The following ITPR1 variants were observed in gnomAD, a reference collection of about 807,000 sequenced individuals.
ITPR1 encodes the protein inositol 1,4,5-trisphosphate-gated calcium channel ITPR1.
A neutral mutation model predicts 318.4 loss-of-function variants in ITPR1; 96 were observed. The ratio of observed to expected loss-of-function variants is 0.30; its 90% CI spans 0.26 to 0.36. ITPR1 has a LOEUF of 0.36. Among genes scored for constraint, ITPR1 ranks in the 10% least tolerant of loss-of-function variants. The pLI is 1.00. For synonymous variants in ITPR1, 1,312 were observed against 1,289.9 expected (o/e 1.02, Z -0.37); for missense variants, 2,440 against 3,460.2 (o/e 0.71, Z 7.40).
intron 44 of ITPR1, among the ~76,000 whole-genome samples, chr3:4,764,985 GATGGGT>G (rs2045718624): frequency 7.3e-6 from 1 of 137,086 alleles, no homozygotes; most frequent in African/African-American, 2.7e-5. Context: ...TGGATGGATG[GATGGGT>G]GAATGGGTGG....
At chr3:4,814,606 G>T in intron 58 of ITPR1, 44 bp downstream of exon 58, 1 of 1,263,154 alleles carries the variant, frequency 7.9e-7, no homozygotes, top group Non-Finnish European at 1.1e-6. Context: ...GGGGCGGGTG[G>T]GGTGGTTGGT....
intron 4 of ITPR1, among the ~76,000 whole-genome samples, chr3:4,563,728 G>A (rs1233687327): frequency 5.9e-5 from 9 of 152,006 alleles, no homozygotes; most frequent in East Asian, 5.8e-4. Context: ...TTTTTCATGC[G>A]GATATTTTTG....
At chr3:4,681,624 A>AGTGT (rs10665371) in intron 26 of ITPR1, among the ~76,000 whole-genome samples, 10,516 of 145,722 alleles carry the variant, frequency 0.072, 498 homozygotes, top group Admixed American at 0.14. Flanking sequence ...AGAGAGAGAA[A>AGTGT]GTGTGTGTGT....
intron 4 of ITPR1, among the ~76,000 whole-genome samples, chr3:4,562,159 G>T (rs970812202): frequency 2.0e-5 from 3 of 152,072 alleles, no homozygotes; most frequent in Admixed American, 6.5e-5. Flanking sequence ...ACAGATTTGC[G>T]TTGGGCTGCA....
chr3:4,538,888 G>A (rs1270045405), intron 4 of ITPR1, among the ~76,000 whole-genome samples: 2 of 152,104 alleles, frequency 1.3e-5, no homozygotes, highest in Admixed American at 6.5e-5. Context: ...GGATGGGTGA[G>A]GGGAGGAAGA....
chr3:4,673,494 C>G, intron 21 of ITPR1, 107 bp downstream of exon 21: 1 of 1,174,346 alleles, frequency 8.5e-7, no homozygotes, highest in Non-Finnish European at 1.1e-6. Flanking sequence ...TTGGTTTTTT[C>G]TTCAAGCTTA....
At chr3:4,586,065 C>T (rs907607804) in intron 4 of ITPR1, among the ~76,000 whole-genome samples, 2 of 152,114 alleles carry the variant, frequency 1.3e-5, no homozygotes, top group African/African-American at 2.4e-5. Context: ...TGATGGTTTC[C>T]AGCTTCATCC....
intron 4 of ITPR1, among the ~76,000 whole-genome samples, chr3:4,552,358 G>A (rs527540963): frequency 7.2e-5 from 11 of 152,308 alleles, no homozygotes; most frequent in African/African-American, 2.2e-4. Context: ...CTGACTGACT[G>A]GCTTTAAGTT....
At position 4,846,720 on chromosome 3, in the gene ITPR1, T is replaced by TAATA. The variant is rs1439669265; in HGVS notation, c.*496_*499dup. ...AATGATGCTGCTGCCAAAATTATAT[T>TAATA]AATAGTGAGTTTCAGGCCCCTGGGC... On this transcript the variant is annotated 3_prime_UTR_variant, in exon 62 of 62. Coordinates refer to ENST00000649015, the MANE Select transcript of ITPR1 (RefSeq NM_001378452.1). The TAATA allele has an allele frequency of 2.0e-5, 3 of 152,680 alleles. No homozygotes were observed. Among genetic ancestry groups the TAATA allele is most frequent in the Admixed American group, 1.3e-4 (2 of 15,280 alleles). The allele number at this position is 152,680 out of a possible 1,614,324, so 9.5% of individuals were successfully genotyped here.
intron 19 of ITPR1, 58 bp from the exon 20 acceptor site, chr3:4,670,671 C>A: frequency 8.1e-7 from 1 of 1,232,590 alleles, no homozygotes. Flanking sequence ...GAAAGTAAAG[C>A]TAGATCTCAA....
At position 4,620,680 on chromosome 3, in the gene ITPR1, G is replaced by GTT. The variant is rs66922925; in HGVS notation, c.164-7064_164-7063dup. Among the ~76,000 whole-genome samples the GTT allele has an allele frequency of 4.9e-3, 630 of 128,116 alleles. 7 individuals carry two copies. Among genetic ancestry groups the GTT allele is most frequent in the African/African-American group, 0.016 (527 of 33,824 alleles). The allele number at this position is 128,116 out of a possible 152,430, so 84.0% of individuals were successfully genotyped here. A position where few individuals can be genotyped will look rare whatever the true frequency, so the allele number is the denominator to read the frequency against. On this transcript the variant is annotated intron_variant, in intron 4 of 61. Transcript: ENST00000649015. The stretch of plus-strand genomic sequence containing the variant: ...TTTTTTCTTCTAATTTTCTTTGTGG[G>GTT]TTTTTTTTTTTTTTTTTTTTGGTGG...
At chr3:4,690,846 A>G (rs1005879353) in intron 31 of ITPR1, among the ~76,000 whole-genome samples, 3 of 152,224 alleles carry the variant, frequency 2.0e-5, no homozygotes, top group African/African-American at 7.2e-5. Flanking sequence ...AAATTGTGAG[A>G]TAAGGCATAA....
intron 60 of ITPR1, among the ~76,000 whole-genome samples, chr3:4,819,984 A>G (rs976430356): frequency 1.3e-5 from 2 of 152,042 alleles, no homozygotes; most frequent in African/African-American, 4.8e-5. Context: ...TAGAAATCGC[A>G]CTCCATAATC....
chr3:4,540,969 T>A (rs1002743161), intron 4 of ITPR1, among the ~76,000 whole-genome samples: 5 of 151,030 alleles, frequency 3.3e-5, no homozygotes, highest in African/African-American at 1.2e-4. Context: ...TGTTTTTTTT[T>A]AATAGAAGTT....
intron 2 of ITPR1, among the ~76,000 whole-genome samples, chr3:4,500,210 G>T (rs533725244): frequency 1.3e-5 from 2 of 152,124 alleles, no homozygotes; most frequent in Admixed American, 6.5e-5. Flanking sequence ...TGTTTGTTTT[G>T]TTTTTTTGAG....
intron 44 of ITPR1, among the ~76,000 whole-genome samples, chr3:4,758,386 C>A (rs1341989477): frequency 1.3e-5 from 2 of 152,208 alleles, no homozygotes; most frequent in Admixed American, 6.5e-5. Context: ...GGGACACATA[C>A]ATCTATGCTC....
At chr3:4,662,847 A>G (rs539439885) in intron 15 of ITPR1, among the ~76,000 whole-genome samples, 10 of 152,270 alleles carry the variant, frequency 6.6e-5, no homozygotes, top group Non-Finnish European at 1.0e-4. Context: ...TTTGTGTCTG[A>G]TATTTCATAA....
At chr3:4,683,836 A>G (rs768528335) in intron 28 of ITPR1, 38 bp downstream of exon 28, 1 of 1,588,552 alleles carries the variant, frequency 6.3e-7, no homozygotes, top group Non-Finnish European at 8.6e-7. Flanking sequence ...AAGTGGATGG[A>G]TGGGCTTCTC....
chr3:4,813,066 C>T (rs902370643), intron 56 of ITPR1, 76 bp from the exon 57 acceptor site: 5 of 1,008,920 alleles, frequency 5.0e-6, no homozygotes, highest in African/African-American at 3.2e-5. Flanking sequence ...TTTAATCAGC[C>T]GTGAATTGGG....
Sources: gnomAD v4.1 joint callset for allele counts (sites outside exome capture counted in the v4.1 genomes callset) on GRCh38, gnomAD v4.1.1 for gene constraint, MANE v1.5 for transcripts, NCBI Gene and HGNC (gene_info 2026-07-23, HGNC 2026-07-21) for gene names.